Variants in TBL1X observed in about 807,000 individuals in gnomAD.
The protein encoded by TBL1X is transducin beta like 1 X-linked, also known as F-box-like/WD repeat-containing protein TBL1X.
Under a neutral mutation model 50.7 loss-of-function variants are expected in TBL1X, and 10 were observed. That is an observed-to-expected ratio of 0.20 (90% CI 0.12 to 0.33). The LOEUF (loss-of-function observed/expected upper bound fraction) is 0.33. Ranked by LOEUF, TBL1X falls within the 10% of genes least tolerant of loss-of-function variation. The pLI is 1.00. For synonymous variants in TBL1X, 190 were observed against 214.7 expected, an observed-to-expected ratio of 0.88 and a Z score of 1.01; for missense variants, 340 against 504.4, an observed-to-expected ratio of 0.67 and a Z score of 3.12.
chrX:9,604,751 C>A (rs929676162), intron 2 of TBL1X, among the ~76,000 whole-genome samples: 3 of 111,075 alleles, frequency 2.7e-5, no homozygotes, highest in African/African-American at 9.8e-5. Context: ...CTGATTCAAC[C>A]ATTGAACATT....
At position 9,653,678 on chromosome X, in the gene TBL1X, T is replaced by C; in HGVS notation, c.92T>C (p.Leu31Ser). ...TCAGTCTTGCACCACTTTCAACGTTTGCGAGGGAGAGGTACTGCGGTTCCT... is the reference window on the plus strand; with the variant it reads ...TCAGTCTTGCACCACTTTCAACGTTCGCGAGGGAGAGGTACTGCGGTTCCT... The part of the protein sequence containing the change: ...MQSVLHHFQR[L>S]RGREGGSHFI... The change falls in exon 4 of 18, where the codon TTG becomes TCG. Residue 31 changes from leucine (L) to serine (S), a missense_variant. This residue lies in a region of TBL1X where 41 missense variants were observed against 48.6 expected (regional missense o/e 0.84). Coordinates refer to ENST00000645353, the MANE Select transcript of TBL1X (RefSeq NM_005647.4). 1 of 1,170,262 alleles carries C rather than the reference T, an allele frequency of 8.5e-7. No individual in the cohort carries two copies. The highest frequency in any genetic ancestry group is 1.1e-6 in the Non-Finnish European group (1 of 874,195).
chrX:9,590,839 G>A lies in TBL1X; in HGVS notation c.-130-49434G>A, dbSNP rs768622966. Among the ~76,000 whole-genome samples the A allele has an allele frequency of 2.7e-5, 3 of 110,844 alleles. No individual in the cohort carries two copies. The South Asian group carries it at 1.2e-3, about 43-fold the overall frequency. The stretch of plus-strand genomic sequence containing the variant: ...CATTTGATCTTGAGACTTGCCATGA[G>A]TCTTACTGTGGGGGTGGGGAGGATG... On this transcript the variant is annotated intron_variant, in intron 2 of 17. Transcript: ENST00000645353.
At chrX:9,477,190 G>T (rs2081854254) in intron 1 of TBL1X, among the ~76,000 whole-genome samples, 1 of 111,974 alleles carries the variant, frequency 8.9e-6, no homozygotes, top group Non-Finnish European at 1.9e-5. Flanking sequence ...ATATGTGTCT[G>T]GCACAACAGA....
At chrX:9,527,488 G>A (rs1312993778) in intron 2 of TBL1X, among the ~76,000 whole-genome samples, 1 of 111,826 alleles carries the variant, frequency 8.9e-6, no homozygotes, top group East Asian at 2.8e-4. Context: ...ATTTATTTGT[G>A]TGTATGTATA....
At chrX:9,534,584 G>C (rs1040588619) in intron 2 of TBL1X, among the ~76,000 whole-genome samples, 4 of 110,882 alleles carry the variant, frequency 3.6e-5, no homozygotes, top group Non-Finnish European at 7.6e-5. Flanking sequence ...AAAAAATACA[G>C]TGTTGAGTAT....
At chrX:9,699,878 G>A (rs1034509065) in intron 12 of TBL1X, among the ~76,000 whole-genome samples, 4 of 111,486 alleles carry the variant, frequency 3.6e-5, no homozygotes, top group Non-Finnish European at 5.7e-5. Flanking sequence ...CAGGGTTGCC[G>A]GTGAAATTTG....
chrX:9,543,631 G>A (rs1184864032), intron 2 of TBL1X, among the ~76,000 whole-genome samples: 3 of 111,442 alleles, frequency 2.7e-5, no homozygotes, highest in Admixed American at 1.9e-4. Context: ...CTCCTGTTTC[G>A]GGTATAAGGG....
chrX:9,636,178 C>T (rs2082745567), intron 2 of TBL1X: 2 of 111,294 alleles, frequency 1.8e-5, no homozygotes, highest in Admixed American at 9.6e-5. Context: ...TAGTGGGCAC[C>T]AGAACTCCTT....
At chrX:9,696,484 C>G (rs1601846053) in intron 11 of TBL1X, among the ~76,000 whole-genome samples, 1 of 112,907 alleles carries the variant, frequency 8.9e-6, no homozygotes, top group Non-Finnish European at 1.9e-5. Flanking sequence ...CAATGCTATT[C>G]ATTGAGCTGG....
intron 2 of TBL1X, among the ~76,000 whole-genome samples, chrX:9,590,376 A>T (rs201342878): frequency 9.0e-5 from 5 of 55,519 alleles, no homozygotes; most frequent in Admixed American, 2.0e-4. Context: ...TTTTTTTTAA[A>T]AAAGTCAGAT....
intron 2 of TBL1X, among the ~76,000 whole-genome samples, chrX:9,607,315 A>T (rs1403816858): frequency 8.8e-6 from 1 of 113,184 alleles, no homozygotes; most frequent in Non-Finnish European, 1.9e-5. Flanking sequence ...CTAAGATTTT[A>T]GAATTGGGAG....
At chrX:9,622,887 T>C (rs2082674707) in intron 2 of TBL1X, among the ~76,000 whole-genome samples, 1 of 112,069 alleles carries the variant, frequency 8.9e-6, no homozygotes, top group Non-Finnish European at 1.9e-5. Context: ...CATAGACATT[T>C]GGGTTGCTAT....
At chrX:9,483,394 A>G (rs2081893341) in intron 1 of TBL1X, among the ~76,000 whole-genome samples, 2 of 112,345 alleles carry the variant, frequency 1.8e-5, no homozygotes, top group African/African-American at 3.2e-5. Context: ...GTGACTTTCA[A>G]ACCCTTTAGA....
chrX:9,477,499 G>A (rs1220385414), intron 1 of TBL1X, among the ~76,000 whole-genome samples: 1 of 111,990 alleles, frequency 8.9e-6, no homozygotes, highest in Non-Finnish European at 1.9e-5. Flanking sequence ...GATACATTGT[G>A]TATTCAGGTT....
chrX:9,702,032 C>T (rs991894114), intron 12 of TBL1X, among the ~76,000 whole-genome samples: 8 of 111,633 alleles, frequency 7.2e-5, no homozygotes, highest in Admixed American at 5.7e-4. Context: ...GGAGGATAAA[C>T]ACATGGAGGC....
chrX:9,560,089 G>T (rs987629123), intron 2 of TBL1X, among the ~76,000 whole-genome samples: 1 of 111,856 alleles, frequency 8.9e-6, no homozygotes, highest in African/African-American at 3.3e-5. Context: ...ATGGGTTCTT[G>T]TCTGGGACCA....
chrX:9,564,167 C>T (rs2082337029), intron 2 of TBL1X, among the ~76,000 whole-genome samples: 1 of 112,246 alleles, frequency 8.9e-6, no homozygotes, highest in Admixed American at 9.4e-5. Context: ...TGCCTGTAAT[C>T]CCAGCACTTT....
In TBL1X at chrX:9,708,438, A is replaced by G. The variant is rs17280781; in HGVS notation, c.1237-810A>G. Among the ~76,000 whole-genome samples, 60 of 111,995 alleles carry G rather than the reference A, an allele frequency of 5.4e-4. 3 individuals are homozygous for G. In the East Asian group the frequency reaches 0.016, roughly 29 times the overall value. ...GCCTGTGTGTGCATTTGGGTCGCCC[A>G]TCTTCCACCTGGATCAGCCCTTACC... On this transcript the variant is annotated intron_variant, in intron 13 of 17. Transcript: ENST00000645353.
At chrX:9,508,630 A>G (rs927976142) in intron 2 of TBL1X, among the ~76,000 whole-genome samples, 6 of 112,194 alleles carry the variant, frequency 5.3e-5, no homozygotes, top group South Asian at 3.7e-4. Flanking sequence ...ATAAAGATGC[A>G]TGCACGTGTA....
Sources: allele counts gnomAD v4.1 joint callset (sites outside exome capture counted in the v4.1 genomes callset), GRCh38; gene constraint gnomAD v4.1.1; regional missense constraint gnomAD v4.1.1; transcripts MANE v1.5; gene names NCBI Gene and HGNC (gene_info 2026-07-23, HGNC 2026-07-21).